NECAB1: variants seen among roughly 807,000 people sequenced by gnomAD.
NECAB1 encodes the protein N-terminal EF-hand calcium binding protein 1.
Under a neutral mutation model 57.5 loss-of-function variants are expected in NECAB1, and 29 were observed. The observed-to-expected ratio is 0.50, with a 90% CI of 0.38 to 0.69. The LOEUF (loss-of-function observed/expected upper bound fraction) is 0.69, where lower values mean the gene tolerates loss of function less well. NECAB1 is among the 30% of genes least tolerant of loss of function. The probability of loss-of-function intolerance (pLI) is 0.00; values close to 1 mark genes in which losing one functional copy is unlikely to be tolerated. For synonymous variants in NECAB1, 142 were observed against 147.7 expected (o/e 0.96, Z 0.28); for missense variants, 372 against 413.8 (o/e 0.90, Z 0.88).
At chr8:90,844,905 T>C (rs1812527340) in intron 3 of NECAB1, among the ~76,000 whole-genome samples, 1 of 152,192 alleles carries the variant, frequency 6.6e-6, no homozygotes, top group African/African-American at 2.4e-5. Context: ...AGGATGTGTA[T>C]CTATAAGAAG....
At chr8:90,917,707 C>T (rs914342940) in intron 6 of NECAB1, 79 bp downstream of exon 6, 7 of 1,366,492 alleles carry the variant, frequency 5.1e-6, no homozygotes, top group Non-Finnish European at 6.8e-6. Flanking sequence ...ATTGTACTTA[C>T]ACTAGCAAAA....
intron 3 of NECAB1, among the ~76,000 whole-genome samples, chr8:90,860,606 A>T (rs1812883868): frequency 6.6e-6 from 1 of 152,176 alleles, no homozygotes; most frequent in Non-Finnish European, 1.5e-5. Flanking sequence ...ATTCAGTTCC[A>T]AGACTGATTG....
intron 5 of NECAB1, among the ~76,000 whole-genome samples, chr8:90,906,874 CACATATAT>C (rs1308890119): frequency 9.4e-5 from 4 of 42,654 alleles, no homozygotes; most frequent in African/African-American, 8.5e-4. Flanking sequence ...ATATGATATA[CACATATAT>C]ATATATATAT....
Position 90,854,731 on chromosome 8 carries a change from A to G in NECAB1, c.234-17397A>G, listed in dbSNP as rs572329484. 5.3e-5 allele frequency among the ~76,000 whole-genome samples: 8 copies of G among 152,316 alleles called. No individual in the cohort carries two copies. The East Asian group carries it at 1.5e-3, about 29-fold the overall frequency. ...GTCTAGAGACTTTTTTTGGGCAACA[A>G]TAGCAGTCACTGTTTCACTTGCTAT... On this transcript the variant is annotated intron_variant, in intron 3 of 12. Coordinates refer to ENST00000417640, the MANE Select transcript of NECAB1 (RefSeq NM_022351.5).
At chr8:90,854,196 G>C (rs762209480) in intron 3 of NECAB1, among the ~76,000 whole-genome samples, 4 of 152,050 alleles carry the variant, frequency 2.6e-5, no homozygotes, top group Admixed American at 6.5e-5. Flanking sequence ...TTGGAAAATT[G>C]GGCTGGTTTT....
chr8:90,883,380 GCTGT>G (rs765807672), intron 5 of NECAB1, among the ~76,000 whole-genome samples: 5 of 152,128 alleles, frequency 3.3e-5, no homozygotes. Flanking sequence ...ACATCTTCAC[GCTGT>G]CTAGCACATG....
At chr8:90,839,300 A>G (rs1812418943) in intron 3 of NECAB1, among the ~76,000 whole-genome samples, 1 of 152,196 alleles carries the variant, frequency 6.6e-6, no homozygotes, top group Admixed American at 6.5e-5. Flanking sequence ...TGAACTCTGA[A>G]GTCAACCCAA....
chr8:90,950,853 A>T (rs1810911481), intron 11 of NECAB1, among the ~76,000 whole-genome samples: 1 of 152,130 alleles, frequency 6.6e-6, no homozygotes, highest in African/African-American at 2.4e-5. Context: ...ATTTGGTGCA[A>T]TAAAATCTAC....
intron 3 of NECAB1, among the ~76,000 whole-genome samples, chr8:90,841,429 A>G (rs768755133): frequency 6.6e-6 from 1 of 152,184 alleles, no homozygotes; most frequent in Admixed American, 6.5e-5. Context: ...TTCCCTCACT[A>G]TGTCTTCAAG....
At chr8:90,821,020 T>C (rs1812135103) in intron 2 of NECAB1, among the ~76,000 whole-genome samples, 1 of 151,892 alleles carries the variant, frequency 6.6e-6, no homozygotes, top group African/African-American at 2.4e-5. Flanking sequence ...ACATTCTTTC[T>C]GGACCCTTTT....
chr8:90,916,090 TCAATC>T (rs1317570936), intron 5 of NECAB1, among the ~76,000 whole-genome samples: 6 of 152,160 alleles, frequency 3.9e-5, no homozygotes, highest in Non-Finnish European at 8.8e-5. Context: ...TTTGCATCCT[TCAATC>T]CAATCAAGTT....
chr8:90,843,694 C>T (rs1188004234), intron 3 of NECAB1, among the ~76,000 whole-genome samples: 2 of 152,214 alleles, frequency 1.3e-5, no homozygotes, highest in Non-Finnish European at 2.9e-5. Flanking sequence ...TGAGCACTGG[C>T]TGTGGGCTAG....
At chr8:90,906,905 A>ATGTATGTATG (rs1563528374) in intron 5 of NECAB1, among the ~76,000 whole-genome samples, 1 of 132,120 alleles carries the variant, frequency 7.6e-6, no homozygotes. Flanking sequence ...ATATATATAT[A>ATGTATGTATG]TATATCTTCT....
chr8:90,801,839 C>A, intron 2 of NECAB1, 124 bp downstream of exon 2: 1 of 608,536 alleles, frequency 1.6e-6, no homozygotes, highest in Non-Finnish European at 2.7e-6. Flanking sequence ...CCTTATTGTA[C>A]TAGTGATCGT....
At chr8:90,949,665 C>A in intron 10 of NECAB1, 142 bp from the exon 11 acceptor site, 1 of 464,030 alleles carries the variant, frequency 2.2e-6, no homozygotes. Context: ...CTTGACAAAT[C>A]TGTTTGATTT....
chr8:90,912,963 G>A (rs1243337767), intron 5 of NECAB1, among the ~76,000 whole-genome samples: 1 of 152,130 alleles, frequency 6.6e-6, no homozygotes, highest in Non-Finnish European at 1.5e-5. Context: ...CCAAAAGACA[G>A]TCAGAAGCAG....
intron 5 of NECAB1, among the ~76,000 whole-genome samples, chr8:90,899,286 G>T (rs1809440382): frequency 6.6e-6 from 1 of 152,068 alleles, no homozygotes; most frequent in Non-Finnish European, 1.5e-5. Flanking sequence ...TTCTCTCTGT[G>T]GTCCCTTGGT....
At chr8:90,938,741 G>A (rs888139903) in intron 9 of NECAB1, among the ~76,000 whole-genome samples, 3 of 152,110 alleles carry the variant, frequency 2.0e-5, no homozygotes, top group Non-Finnish European at 2.9e-5. Context: ...CTAGGAAGCC[G>A]AGAGCTCAAT....
intron 5 of NECAB1, among the ~76,000 whole-genome samples, chr8:90,915,195 T>C (rs2740796): frequency 0.49 from 74,830 of 152,062 alleles, 20,565 homozygotes; most frequent in East Asian, 0.79. Flanking sequence ...TGCAATTATA[T>C]TTTATCTTCA....
Sources: gnomAD v4.1 joint callset for allele counts (sites outside exome capture counted in the v4.1 genomes callset) on GRCh38, gnomAD v4.1.1 for gene constraint, MANE v1.5 for transcripts, NCBI Gene and HGNC (gene_info 2026-07-23, HGNC 2026-07-21) for gene names.